The following ARHGAP4 variants were observed in gnomAD, a reference collection of about 807,000 sequenced individuals.
ARHGAP4 encodes the protein rho GTPase-activating protein 4.
ARHGAP4 carries 25 observed loss-of-function variants against 67.6 expected under a neutral mutation model. The observed-to-expected ratio is 0.37, with a 90% confidence interval of 0.27 to 0.52. The LOEUF (loss-of-function observed/expected upper bound fraction) is 0.52, where lower values mean the gene tolerates loss of function less well. ARHGAP4 is among the 20% of genes least tolerant of loss of function. The probability of loss-of-function intolerance (pLI) is 0.92; values close to 1 mark genes in which losing one functional copy is unlikely to be tolerated. For missense variants in ARHGAP4, 804 were observed against 854.6 expected (o/e 0.94, Z 0.74); for synonymous variants, 448 against 373.7 (o/e 1.20, Z -2.29).
chrX:153,921,305 A>C, intron 3 of ARHGAP4, 60 bp downstream of exon 3: 1 of 1,204,571 alleles, frequency 8.3e-7, no homozygotes, highest in Non-Finnish European at 1.1e-6. Context: ...CCTCCCAGCC[A>C]CAGTGCCTCC....
chrX:153,923,022 G>C (rs782760205), intron 1 of ARHGAP4, among the ~76,000 whole-genome samples: 1 of 111,081 alleles, frequency 9.0e-6, no homozygotes, highest in South Asian at 3.8e-4. Flanking sequence ...CAGAAGGCTG[G>C]AGCTGGCTGT....
At chrX:153,908,268 G>A (rs1010617173) in intron 21 of ARHGAP4, among the ~76,000 whole-genome samples, 1 of 111,901 alleles carries the variant, frequency 8.9e-6, no homozygotes, top group Non-Finnish European at 1.9e-5. Context: ...CTCAGGGACC[G>A]CCAGCGTGCG....
At chrX:153,924,779 GC>G (rs1294408178) in intron 1 of ARHGAP4, among the ~76,000 whole-genome samples, 2 of 112,025 alleles carry the variant, frequency 1.8e-5, no homozygotes, top group Non-Finnish European at 3.8e-5. Flanking sequence ...GAATTACAGA[GC>G]TGGGCCCCGG....
At chrX:153,924,627 C>T (rs781881817) in intron 1 of ARHGAP4, among the ~76,000 whole-genome samples, 1 of 111,943 alleles carries the variant, frequency 8.9e-6, no homozygotes, top group African/African-American at 3.2e-5. Context: ...TGAATCATTG[C>T]TTTTACTCTG....
rs1569546003 is a variant in ARHGAP4, at chrX:153,918,863, C to T, written c.1001G>A (p.Arg334His). 9 of 1,212,209 alleles carry T rather than the reference C, an allele frequency of 7.4e-6. No individual in the cohort carries two copies. Among genetic ancestry groups the T allele is most frequent in the South Asian group, 1.8e-5 (1 of 57,022 alleles). Residue 334 changes from arginine to histidine, a missense_variant, in exon 7 of 22, where the codon CGC (arginine) becomes CAC (histidine). By Grantham distance (29) the Arg-to-His change is conservative. This residue lies in a region of ARHGAP4 where 404 missense variants were observed against 505.9 expected (regional missense o/e 0.80). Coordinates refer to ENST00000350060, the MANE Select transcript of ARHGAP4 (RefSeq NM_001666.5). Reference protein sequence around the residue: ...VHATVFCPPLRFDYHPHDGDE... With the variant: ...VHATVFCPPLHFDYHPHDGDE... ...CCCATCATGGGGGTGGTAGTCAAAG[C>T]GCAGCGGGGGACAGAAGACGGTAGC...
At chrX:153,915,218 G>C (rs993840896) in intron 7 of ARHGAP4, among the ~76,000 whole-genome samples, 7 of 6,972 alleles carry the variant, frequency 1.0e-3, no homozygotes, top group African/African-American at 2.6e-3. Flanking sequence ...GGAAGGGTGG[G>C]TGCCAGGGCT....
chrX:153,907,882 A>G lies in ARHGAP4; in HGVS notation c.2688T>C (p.Ser896=). Residue 896 remains serine, a synonymous_variant, in exon 22 of 22, where the codon TCT becomes TCC. Coordinates refer to ENST00000350060, the MANE Select transcript of ARHGAP4 (RefSeq NM_001666.5). ...TSVRQGLGPA[S]TTSPSPGPRS... is the part of the protein sequence containing the mutation. ...GGGGCCCAGGACTGGGAGAGGTGGT[A>G]GATGCTGGCCCAAGGCCCTGGCGGA... The G allele has an allele frequency of 4.8e-6, 5 of 1,051,253 alleles. No homozygotes were observed. The highest frequency in any genetic ancestry group is 6.2e-6 in the Non-Finnish European group (5 of 811,900). The allele number at this position is 1,051,253 out of a possible 1,213,427, so 86.6% of individuals were successfully genotyped here. A position where few individuals can be genotyped will look rare whatever the true frequency, so the allele number is the denominator to read the frequency against.
chrX:153,914,048 A>AC (rs781866553), intron 7 of ARHGAP4, 169 bp from the exon 8 acceptor site: 14 of 451,042 alleles, frequency 3.1e-5, no homozygotes, highest in Non-Finnish European at 5.4e-5. Flanking sequence ...ACGTGTCCAA[A>AC]CCAAGACTTG....
rs1557102017 is a variant in ARHGAP4, at chrX:153,909,118, T to C, written c.2559A>G (p.Arg853=). Residue 853 remains arginine (R), a synonymous_variant, in exon 21 of 22, where the codon CGA becomes CGG. Transcript: ENST00000350060. The stretch of plus-strand genomic sequence containing the variant: ...CTGGGGAGGCTGGGACCAAGCAGCG[T>C]CGTCTGTGTCCAGAGGGTCCCATGG... ...PEAMGPSGHR[R]RCLVPASPEQ... is the part of the protein sequence containing the mutation. 1.7e-6 allele frequency: 2 copies of C among 1,211,466 alleles called. No homozygotes were observed. Among genetic ancestry groups the C allele is most frequent in the South Asian group, 3.5e-5 (2 of 56,965 alleles).
intron 5 of ARHGAP4, chrX:153,919,596 C>T (rs1557104818): frequency 1.7e-6 from 2 of 1,165,339 alleles, no homozygotes; most frequent in Non-Finnish European, 2.3e-6. Flanking sequence ...CACATGGCAC[C>T]CCACCATGGA....
chrX:153,923,159 G>C (rs1490554507), intron 1 of ARHGAP4, among the ~76,000 whole-genome samples: 1 of 110,791 alleles, frequency 9.0e-6, no homozygotes, highest in Non-Finnish European at 1.9e-5. Context: ...ATGTGGTCCA[G>C]CTTCGTTTTC....
At chrX:153,920,362 G>A (rs782304208) in intron 5 of ARHGAP4, 2 of 372,842 alleles carry the variant, frequency 5.4e-6, no homozygotes, top group South Asian at 5.5e-5. Flanking sequence ...GAAACCTTAC[G>A]GAATGGCTGG....
In ARHGAP4 at chrX:153,919,070, G is replaced by A. The variant is rs1557104687; in HGVS notation, c.811-17C>T. ...GTCACAGCACTGAGGAGGAAACAAGGAGATGCTTGGGTAGGTCCTGGAGCC... is the reference window on the plus strand; with the variant it reads ...GTCACAGCACTGAGGAGGAAACAAGAAGATGCTTGGGTAGGTCCTGGAGCC... On this transcript the variant is annotated splice_polypyrimidine_tract_variant and intron_variant, in intron 6 of 21. Transcript: ENST00000350060. The A allele has an allele frequency of 8.3e-7, 1 of 1,209,859 alleles. No individual in the cohort carries two copies. Among genetic ancestry groups the A allele is most frequent in the East Asian group, 3.0e-5 (1 of 33,792 alleles).
At chrX:153,926,110 G>A (rs1557106228) in intron 1 of ARHGAP4, 26 bp downstream of exon 1, 1 of 1,200,566 alleles carries the variant, frequency 8.3e-7, no homozygotes, top group Admixed American at 2.2e-5. Flanking sequence ...CAGGAAACGG[G>A]CCGGGAGCGC....
At chrX:153,923,890 G>A (rs183799984) in intron 1 of ARHGAP4, among the ~76,000 whole-genome samples, 11 of 111,560 alleles carry the variant, frequency 9.9e-5, no homozygotes, top group Admixed American at 9.5e-4. Flanking sequence ...CGATTCTCCC[G>A]CCTCAGCCTC....
intron 5 of ARHGAP4, 122 bp from the exon 6 acceptor site, chrX:153,919,405 C>T: frequency 8.6e-7 from 1 of 1,159,729 alleles, no homozygotes; most frequent in Non-Finnish European, 1.2e-6. Context: ...ACTGGTCAAG[C>T]CCAGAAGTCC....
chrX:153,916,306 C>G (rs1325311343), intron 7 of ARHGAP4, among the ~76,000 whole-genome samples: 1 of 113,184 alleles, frequency 8.8e-6, no homozygotes, highest in African/African-American at 3.2e-5. Context: ...GCCCCACTTA[C>G]CTGGGCCCTC....
intron 1 of ARHGAP4, 101 bp downstream of exon 1, chrX:153,926,035 G>C (rs1432424712): frequency 1.8e-6 from 2 of 1,084,408 alleles, no homozygotes; most frequent in African/African-American, 3.8e-5. Context: ...GGTCGCTGGG[G>C]AGAGCATCGG....
chrX:153,922,217 G>T (rs1557105520), intron 1 of ARHGAP4: 1 of 836,303 alleles, frequency 1.2e-6, no homozygotes, highest in East Asian at 8.9e-5. Flanking sequence ...CCAGGCTCCG[G>T]GAGGTGGCAG....
Sources: gnomAD v4.1 joint callset for allele counts (sites outside exome capture counted in the v4.1 genomes callset) on GRCh38, gnomAD v4.1.1 for gene constraint, gnomAD v4.1.1 regional missense constraint, MANE v1.5 for transcripts, NCBI Gene and HGNC (gene_info 2026-07-23, HGNC 2026-07-21) for gene names.